Variants in VWA3B observed in about 807,000 individuals in gnomAD.
VWA3B encodes von Willebrand factor A domain-containing protein 3B.
Under a neutral mutation model 158.3 loss-of-function variants are expected in VWA3B, and 138 were observed. That is an observed-to-expected ratio of 0.87 (90% CI 0.76 to 1.00). VWA3B has a LOEUF of 1.00. VWA3B is among the 50% of genes least tolerant of loss of function. The pLI, the probability that VWA3B is intolerant of heterozygous loss-of-function variation, is 0.00. For synonymous variants in VWA3B, 596 were observed against 587.3 expected (o/e 1.01, Z -0.21); for missense variants, 1,555 against 1,565.1 (o/e 0.99, Z 0.11).
At chr2:98,192,088 T>C (rs183914536) in intron 10 of VWA3B, among the ~76,000 whole-genome samples, 14 of 152,350 alleles carry the variant, frequency 9.2e-5, no homozygotes, top group South Asian at 4.1e-4. Flanking sequence ...ATAAGTTTCA[T>C]TGAAGCTTCA....
chr2:98,212,269 C>A, intron 13 of VWA3B: 1 of 352,212 alleles, frequency 2.8e-6, no homozygotes, highest in Non-Finnish European at 5.2e-6. Flanking sequence ...CACCCCTAGC[C>A]TGGAGACCAG....
intron 12 of VWA3B, among the ~76,000 whole-genome samples, chr2:98,201,419 C>T (rs78289792): frequency 0.044 from 6,685 of 152,220 alleles, 224 homozygotes; most frequent in Non-Finnish European, 0.069. Flanking sequence ...CCAATGATGT[C>T]ATGTATGAAT....
the VWA3B span, among the ~76,000 whole-genome samples, chr2:98,325,825 A>G: frequency 1.4e-4 from 21 of 152,220 alleles, no homozygotes; most frequent in Non-Finnish European, 2.6e-4. Context: ...GACCAAAACC[A>G]AAAACCAGTA....
the VWA3B span, among the ~76,000 whole-genome samples, chr2:98,320,552 A>T: frequency 7.9e-5 from 12 of 152,220 alleles, no homozygotes; most frequent in African/African-American, 2.7e-4. Flanking sequence ...TAAAATGCTG[A>T]CAGTGATATG....
intron 19 of VWA3B, chr2:98,245,456 G>A (rs1018597585): frequency 1.7e-5 from 7 of 421,946 alleles, no homozygotes; most frequent in Non-Finnish European, 2.8e-5. Context: ...TGTCAGACTC[G>A]AAGTGTGGGG....
chr2:98,237,000 A>G, intron 19 of VWA3B, among the ~76,000 whole-genome samples: 1 of 152,122 alleles, frequency 6.6e-6, no homozygotes, highest in East Asian at 1.9e-4. Context: ...ACATCGTGAA[A>G]CCCTGTTTCT....
At chr2:98,101,383 C>T (rs1394358841) in intron 2 of VWA3B, among the ~76,000 whole-genome samples, 3 of 152,210 alleles carry the variant, frequency 2.0e-5, no homozygotes, top group African/African-American at 7.2e-5. Flanking sequence ...ATGTATGAGA[C>T]AGCCCATTCA....
the VWA3B span, among the ~76,000 whole-genome samples, chr2:98,321,546 A>G: frequency 2.0e-5 from 3 of 152,244 alleles, no homozygotes; most frequent in Non-Finnish European, 4.4e-5. Context: ...TTGCATCAGC[A>G]TGACCTGGAT....
At chr2:98,124,148 T>C (rs1675180239) in intron 5 of VWA3B, among the ~76,000 whole-genome samples, 1 of 152,240 alleles carries the variant, frequency 6.6e-6, no homozygotes, top group African/African-American at 2.4e-5. Context: ...TATTTCCTTT[T>C]AGTGGTTCAG....
chr2:98,109,272 G>A (rs774619500), intron 2 of VWA3B, among the ~76,000 whole-genome samples: 20 of 152,078 alleles, frequency 1.3e-4, no homozygotes, highest in African/African-American at 3.9e-4. Flanking sequence ...GATTACAGGC[G>A]TGAGCCACCG....
chr2:98,224,558 A>T (rs1236619619), intron 14 of VWA3B, among the ~76,000 whole-genome samples: 8 of 152,094 alleles, frequency 5.3e-5, no homozygotes, highest in Non-Finnish European at 1.2e-4. Flanking sequence ...ACGTTCAAAA[A>T]CTCTGTAAAT....
Position 98,220,936 on chromosome 2 carries a change from C to T in VWA3B, c.2019+2908C>T, listed in dbSNP as rs913533323. 9.2e-5 allele frequency among the ~76,000 whole-genome samples: 14 copies of T among 152,152 alleles called. No homozygotes were observed. The East Asian group carries it at 9.7e-4, about 10-fold the overall frequency. On this transcript the variant is annotated intron_variant, in intron 14 of 27. Coordinates refer to ENST00000477737, the MANE Select transcript of VWA3B (RefSeq NM_144992.5). ...GCCGAACAATGAGAACACATGGACA[C>T]AGGGAGGGGAACATCACACACCTGG...
chr2:98,245,094 G>T (rs1359372854), intron 19 of VWA3B, among the ~76,000 whole-genome samples: 2 of 152,190 alleles, frequency 1.3e-5, no homozygotes, highest in East Asian at 3.9e-4. Context: ...AACCTCAAGA[G>T]AATTGAATTA....
In VWA3B at chr2:98,187,973, A is replaced by G. The variant is rs750093611; in HGVS notation, c.1312-2A>G. The G allele has an allele frequency of 7.5e-6, 12 of 1,609,222 alleles. No homozygotes were observed. The highest frequency in any genetic ancestry group is 1.3e-5 in the African/African-American group (1 of 74,798). The stretch of plus-strand genomic sequence containing the variant: ...GGCTTCTGTCCTTTGTCATCTCCTT[A>G]GGAGACGAACAAGAAGACAGTCCAT... On this transcript the variant is annotated splice_acceptor_variant, in intron 9 of 27. Transcript: ENST00000477737. LOFTEE classifies it high-confidence loss of function.
At chr2:98,098,431 C>T (rs1485593208) in intron 2 of VWA3B, among the ~76,000 whole-genome samples, 1 of 151,988 alleles carries the variant, frequency 6.6e-6, no homozygotes, top group Non-Finnish European at 1.5e-5. Flanking sequence ...TTTATACCCT[C>T]TTGATGAATT....
chr2:98,228,617 T>A (rs550441260), intron 15 of VWA3B, among the ~76,000 whole-genome samples: 58 of 152,204 alleles, frequency 3.8e-4, no homozygotes, highest in Admixed American at 8.5e-4. Context: ...AGGAGCACTG[T>A]GTGGGGAAGG....
At chr2:98,320,871 T>C in the VWA3B span, among the ~76,000 whole-genome samples, 1 of 152,286 alleles carries the variant, frequency 6.6e-6, no homozygotes, top group South Asian at 2.1e-4. Flanking sequence ...GCATAAGTAA[T>C]GAGGAGCCAA....
chr2:98,299,955 A>G (rs1030956096), intron 24 of VWA3B, 124 bp from the exon 25 acceptor site: 1 of 1,292,448 alleles, frequency 7.7e-7, no homozygotes, highest in East Asian at 2.3e-5. Context: ...TGAGAAAAAA[A>G]ATATCTATTT....
chr2:98,192,078 A>C (rs1041780155), intron 10 of VWA3B, among the ~76,000 whole-genome samples: 2 of 152,242 alleles, frequency 1.3e-5, no homozygotes, highest in Admixed American at 1.3e-4. Context: ...GATGCTGTCC[A>C]TAAGTTTCAT....
Sources: gnomAD v4.1 joint callset for allele counts (sites outside exome capture counted in the v4.1 genomes callset) on GRCh38, gnomAD v4.1.1 for gene constraint, MANE v1.5 for transcripts, NCBI Gene and HGNC (gene_info 2026-07-23, HGNC 2026-07-21) for gene names.